ERBB4: variants seen among roughly 807,000 people sequenced by gnomAD.
ERBB4 encodes erb-b2 receptor tyrosine kinase 4.
ERBB4 carries 42 observed loss-of-function variants against 158.0 expected under a neutral mutation model. That is an observed-to-expected ratio of 0.27 (90% CI 0.21 to 0.34). ERBB4 has a LOEUF of 0.34. Among genes scored for constraint, ERBB4 ranks in the 10% least tolerant of loss-of-function variants. ERBB4 has a pLI of 1.00. For missense variants in ERBB4, 1,333 were observed against 1,624.1 expected, an observed-to-expected ratio of 0.82 and a Z score of 3.08; for synonymous variants, 583 against 558.7, an observed-to-expected ratio of 1.04 and a Z score of -0.61.
chr2:211,680,284 G>T (rs2072280707), intron 12 of ERBB4, among the ~76,000 whole-genome samples: 1 of 151,942 alleles, frequency 6.6e-6, no homozygotes, highest in Non-Finnish European at 1.5e-5. Context: ...TATTTATACT[G>T]CATGACATTA....
chr2:211,413,344 ACAC>A (rs1484508773), intron 25 of ERBB4, among the ~76,000 whole-genome samples: 3 of 126,484 alleles, frequency 2.4e-5, no homozygotes, highest in East Asian at 2.1e-4. Context: ...ACACACACAC[ACAC>A]ATTGATAAAA....
In ERBB4 at chr2:211,966,018, C is replaced by T. The variant is rs145298987; in HGVS notation, c.235-18402G>A. ...CTTCAGGCCATGAATTCAAGACCAGCGTGGGTAACTCAGGGAGACCCTCTC... is the reference window on the plus strand; with the variant it reads ...CTTCAGGCCATGAATTCAAGACCAGTGTGGGTAACTCAGGGAGACCCTCTC... On this transcript the variant is annotated intron_variant, in intron 2 of 27. Coordinates refer to ENST00000342788, the MANE Select transcript of ERBB4 (RefSeq NM_005235.3). Among the ~76,000 whole-genome samples, 20 of 152,150 alleles carry T rather than the reference C, an allele frequency of 1.3e-4. No individual in the cohort carries two copies. In the East Asian group the frequency reaches 3.1e-3, roughly 24 times the overall value.
In ERBB4 at chr2:211,468,725, A is replaced by T. The variant is rs2064758646; in HGVS notation, c.2488-37625T>A. Among the ~76,000 whole-genome samples the T allele has an allele frequency of 2.6e-5, 4 of 152,190 alleles. No individual in the cohort carries two copies. In the South Asian group the frequency reaches 8.3e-4, roughly 32 times the overall value. Reference sequence around the variant, plus strand: ...ATAAACAGGAAAAAGTTAAAATGGGATTACTACTTTACACCTCCAACAAAT... The same window carrying T: ...ATAAACAGGAAAAAGTTAAAATGGGTTTACTACTTTACACCTCCAACAAAT... On this transcript the variant is annotated intron_variant, in intron 20 of 27. Coordinates refer to ENST00000342788, the MANE Select transcript of ERBB4 (RefSeq NM_005235.3).
At position 211,619,334 on chromosome 2, in the gene ERBB4, G is replaced by C. The variant is rs1161317604; in HGVS notation, c.2203-59C>G. ...TCTCAACCTATTAAGTTCTTACAAA[G>C]TAACTTAGAAGTTTGATATTATAAC... On this transcript the variant is annotated intron_variant, in intron 18 of 27. Transcript: ENST00000342788. The C allele has an allele frequency of 4.1e-6, 4 of 968,732 alleles. No individual in the cohort carries two copies. In the East Asian group the frequency reaches 9.6e-5, roughly 23 times the overall value. The allele number at this position is 968,732 out of a possible 1,614,324, so 60.0% of individuals were successfully genotyped here. A position where few individuals can be genotyped will look rare whatever the true frequency, so the allele number is the denominator to read the frequency against.
chr2:211,756,501 A>G (rs554823811), intron 4 of ERBB4, among the ~76,000 whole-genome samples: 17 of 152,268 alleles, frequency 1.1e-4, no homozygotes, highest in South Asian at 4.1e-4. Context: ...AACAGTTTGG[A>G]GTTTACTCTG....
At chr2:211,485,640 C>G (rs2065183864) in intron 20 of ERBB4, among the ~76,000 whole-genome samples, 1 of 149,734 alleles carries the variant, frequency 6.7e-6, no homozygotes, top group South Asian at 2.1e-4. Context: ...CTAATTCAAA[C>G]AGCAAATTCT....
intron 1 of ERBB4, among the ~76,000 whole-genome samples, chr2:212,174,614 T>C (rs138889605): frequency 2.0e-5 from 3 of 152,052 alleles, no homozygotes; most frequent in Non-Finnish European, 4.4e-5. Context: ...AAGACCACAT[T>C]TGTGGACATA....
intron 1 of ERBB4, among the ~76,000 whole-genome samples, chr2:212,419,560 C>A (rs115220033): frequency 6.6e-6 from 1 of 151,660 alleles, no homozygotes; most frequent in Non-Finnish European, 1.5e-5. Flanking sequence ...AATGTATATG[C>A]ATATATTTGC....
intron 2 of ERBB4, among the ~76,000 whole-genome samples, chr2:212,079,096 G>C (rs1218927811): frequency 6.7e-6 from 1 of 149,522 alleles, no homozygotes; most frequent in African/African-American, 2.4e-5. Flanking sequence ...TCTCTTTTTT[G>C]ATGTTAGATA....
In ERBB4 at chr2:212,193,232, T is replaced by C. The variant is rs139592456; in HGVS notation, c.83-68329A>G. Among the ~76,000 whole-genome samples, 310 of 152,278 alleles carry C rather than the reference T, an allele frequency of 2.0e-3. 3 individuals carry two copies. The highest frequency in any genetic ancestry group is 7.1e-3 in the African/African-American group (294 of 41,574). ...CTAATTTGCCATCTTGTCCATTATG[T>C]GAATAAGCTGTAACGGCTGAATTGG... On this transcript the variant is annotated intron_variant, in intron 1 of 27. Coordinates refer to ENST00000342788, the MANE Select transcript of ERBB4 (RefSeq NM_005235.3).
At chr2:211,421,787 G>A (rs916578036) in intron 24 of ERBB4, among the ~76,000 whole-genome samples, 3 of 151,910 alleles carry the variant, frequency 2.0e-5, no homozygotes, top group Admixed American at 6.6e-5. Flanking sequence ...ATAATTATCT[G>A]TTCAGTAGCA....
chr2:211,394,194 A>G (rs1301888662), intron 25 of ERBB4, among the ~76,000 whole-genome samples: 1 of 152,184 alleles, frequency 6.6e-6, no homozygotes, highest in African/African-American at 2.4e-5. Context: ...GATGGAATCA[A>G]AGAATGTTAT....
chr2:212,142,407 A>T (rs928806842), intron 1 of ERBB4, among the ~76,000 whole-genome samples: 2 of 151,722 alleles, frequency 1.3e-5, no homozygotes, highest in Non-Finnish European at 2.9e-5. Flanking sequence ...GATATTTTGG[A>T]ATTCTGGCTA....
intron 1 of ERBB4, among the ~76,000 whole-genome samples, chr2:212,265,682 G>A (rs2085109131): frequency 6.6e-6 from 1 of 151,966 alleles, no homozygotes. Context: ...AGACAAGAAA[G>A]GGAGATTGAA....
chr2:212,020,442 T>A (rs1366241190), intron 2 of ERBB4, among the ~76,000 whole-genome samples: 1 of 152,088 alleles, frequency 6.6e-6, no homozygotes, highest in Non-Finnish European at 1.5e-5. Flanking sequence ...TGAGAATATA[T>A]CTCTGTTAAA....
intron 17 of ERBB4, among the ~76,000 whole-genome samples, chr2:211,627,694 T>C (rs543869601): frequency 9.9e-5 from 15 of 152,278 alleles, no homozygotes; most frequent in African/African-American, 3.4e-4. Flanking sequence ...ACAACAAACG[T>C]TGGATAAGCT....
At chr2:212,305,992 CAT>C (rs914873718) in intron 1 of ERBB4, among the ~76,000 whole-genome samples, 7 of 151,530 alleles carry the variant, frequency 4.6e-5, no homozygotes, top group African/African-American at 1.4e-4. Flanking sequence ...ATCTGCTAAA[CAT>C]GTGAAATATT....
At chr2:212,407,227 A>G (rs2091372681) in intron 1 of ERBB4, among the ~76,000 whole-genome samples, 2 of 151,792 alleles carry the variant, frequency 1.3e-5, no homozygotes, top group Admixed American at 1.3e-4. Context: ...CTGGATCAAA[A>G]CTTCTGAGCA....
At chr2:211,391,196 C>T (rs2125329060) in intron 25 of ERBB4, among the ~76,000 whole-genome samples, 1 of 152,144 alleles carries the variant, frequency 6.6e-6, no homozygotes, top group Admixed American at 6.6e-5. Flanking sequence ...TTTCTCTCTC[C>T]CTCAATTCCC....
Sources: allele counts gnomAD v4.1 joint callset (sites outside exome capture counted in the v4.1 genomes callset), GRCh38; gene constraint gnomAD v4.1.1; transcripts MANE v1.5; gene names NCBI Gene and HGNC (gene_info 2026-07-23, HGNC 2026-07-21).